The following CSGALNACT1 variants were observed in gnomAD, a reference collection of about 807,000 sequenced individuals.
CSGALNACT1 encodes beta4GalNAcT-1.
A neutral mutation model predicts 51.0 loss-of-function variants in CSGALNACT1; 52 were observed. The ratio of observed to expected loss-of-function variants is 1.02; its 90% CI spans 0.82 to 1.29. The LOEUF (loss-of-function observed/expected upper bound fraction) is 1.29, where lower values mean the gene tolerates loss of function less well. CSGALNACT1 is among the 50% of genes most tolerant of loss of function. The pLI, the probability that CSGALNACT1 is intolerant of heterozygous loss-of-function variation, is 0.00. For synonymous variants in CSGALNACT1, 341 were observed against 254.4 expected (o/e 1.34, Z -3.24); for missense variants, 935 against 679.2 (o/e 1.38, Z -4.19).
chr8:19,603,047 T>C (rs372021012), upstream of CSGALNACT1, among the ~76,000 whole-genome samples: 12 of 123,118 alleles, frequency 9.7e-5, no homozygotes, highest in South Asian at 5.7e-4. Flanking sequence ...ACTGTGTGTA[T>C]ACACACACAC....
chr8:19,430,741 T>C (rs529798866), intron 6 of CSGALNACT1, among the ~76,000 whole-genome samples: 5 of 152,266 alleles, frequency 3.3e-5, no homozygotes, highest in Admixed American at 6.5e-5. Flanking sequence ...AAAGTCATCT[T>C]GGATTTTAAT....
chr8:19,642,346 A>T (rs2056827784), intron 1 of CSGALNACT1, among the ~76,000 whole-genome samples: 1 of 152,190 alleles, frequency 6.6e-6, no homozygotes, highest in African/African-American at 2.4e-5. Flanking sequence ...CAACTTCAAG[A>T]AATAAAACAT....
intron 1 of CSGALNACT1, among the ~76,000 whole-genome samples, chr8:19,722,658 C>A (rs991460390): frequency 1.3e-5 from 2 of 152,142 alleles, no homozygotes; most frequent in African/African-American, 4.8e-5. Flanking sequence ...ACCTCACAGC[C>A]CTGGCGCATT....
chr8:19,733,416 T>C (rs932786552), intron 1 of CSGALNACT1, among the ~76,000 whole-genome samples: 8 of 152,206 alleles, frequency 5.3e-5, no homozygotes, highest in African/African-American at 1.9e-4. Flanking sequence ...TTCAAAAACC[T>C]ATATTTTCTA....
chr8:19,756,941 G>A (rs1421647101), intron 1 of CSGALNACT1, among the ~76,000 whole-genome samples: 1 of 150,992 alleles, frequency 6.6e-6, no homozygotes, highest in Non-Finnish European at 1.5e-5. Context: ...GCGCCCACCT[G>A]GAGGCGCCGC....
intron 4 of CSGALNACT1, among the ~76,000 whole-genome samples, chr8:19,495,542 T>C (rs1239642450): frequency 6.6e-6 from 1 of 152,158 alleles, no homozygotes; most frequent in Non-Finnish European, 1.5e-5. Context: ...AGAGAGGGAC[T>C]ATCCCTCCCC....
intron 4 of CSGALNACT1, among the ~76,000 whole-genome samples, chr8:19,500,709 T>C (rs1358708629): frequency 6.6e-6 from 1 of 152,236 alleles, no homozygotes; most frequent in East Asian, 1.9e-4. Context: ...CTGTACAACC[T>C]GCTAATGTGT....
intron 1 of CSGALNACT1, among the ~76,000 whole-genome samples, chr8:19,651,945 T>C (rs560362107): frequency 6.6e-6 from 1 of 152,172 alleles, no homozygotes; most frequent in African/African-American, 2.4e-5. Flanking sequence ...GTTTTGACTT[T>C]TTTTAGACAG....
intron 3 of CSGALNACT1, among the ~76,000 whole-genome samples, chr8:19,551,538 C>T (rs1431355984): frequency 6.6e-6 from 1 of 152,192 alleles, no homozygotes; most frequent in Non-Finnish European, 1.5e-5. Context: ...AACTTCTCTC[C>T]CTGGAAGAAC....
At chr8:19,598,373 T>C (rs991362596) in intron 2 of CSGALNACT1, among the ~76,000 whole-genome samples, 26 of 152,168 alleles carry the variant, frequency 1.7e-4, no homozygotes, top group Non-Finnish European at 3.2e-4. Context: ...TGACACTGAT[T>C]AAAAGCTTAC....
intron 1 of CSGALNACT1, among the ~76,000 whole-genome samples, chr8:19,701,625 C>T (rs530962771): frequency 6.6e-6 from 1 of 152,322 alleles, no homozygotes; most frequent in South Asian, 2.1e-4. Flanking sequence ...AAAGACCCTA[C>T]ATAGACAATT....
chr8:19,485,784 T>TTTG (rs2072760205), intron 4 of CSGALNACT1, among the ~76,000 whole-genome samples: 1 of 142,730 alleles, frequency 7.0e-6, no homozygotes, highest in Admixed American at 7.1e-5. Context: ...TTTTTTTTTT[T>TTTG]TGACAGAGTT....
intron 6 of CSGALNACT1, among the ~76,000 whole-genome samples, chr8:19,427,718 GC>G (rs1654986394): frequency 6.6e-6 from 1 of 151,994 alleles, no homozygotes; most frequent in Non-Finnish European, 1.5e-5. Context: ...AACCCAGTGG[GC>G]GAAGCTTGCC....
intron 3 of CSGALNACT1, among the ~76,000 whole-genome samples, chr8:19,578,759 C>T (rs961981572): frequency 3.9e-5 from 6 of 152,282 alleles, no homozygotes; most frequent in Middle Eastern, 3.4e-3. Context: ...GACCTTCTGA[C>T]GTCTGCCTCT....
chr8:19,543,093 T>C lies in CSGALNACT1; in HGVS notation c.-296-36963A>G, dbSNP rs79381264. On this transcript the variant is annotated intron_variant, in intron 3 of 9. Coordinates refer to ENST00000454498, the Ensembl canonical transcript of CSGALNACT1. ...AATATAACCCAGATTATGACTGAGT[T>C]ATAACTAACAAATACTAGGCTCACG... Among the ~76,000 whole-genome samples, 812 of 152,264 alleles carry C rather than the reference T, an allele frequency of 5.3e-3. 12 individuals are homozygous for C. Among genetic ancestry groups the C allele is most frequent in the African/African-American group, 0.019 (783 of 41,544 alleles).
In CSGALNACT1 at chr8:19,663,440, G is replaced by C. The variant is rs576701629; in HGVS notation, c.-544+19033C>G. On this transcript the variant is annotated intron_variant, in intron 1 of 9. Coordinates refer to the CSGALNACT1 transcript ENST00000332246. ...TAAATATATTCAGAGCAAATTTTAA[G>C]TTTAAAGCAGTCAATGACTAACATC... 5.9e-5 allele frequency among the ~76,000 whole-genome samples: 9 copies of C among 152,316 alleles called. No homozygotes were observed. In the East Asian group the frequency reaches 1.7e-3, roughly 29 times the overall value.
intron 5 of CSGALNACT1, chr8:19,457,586 C>G (rs1191593293): frequency 6.9e-6 from 7 of 1,021,286 alleles, no homozygotes; most frequent in Non-Finnish European, 9.4e-6. Flanking sequence ...GCACTCCAGC[C>G]TGGGTGACAG....
rs1371352946 is a variant in CSGALNACT1 at position 19,630,228 on chromosome 8, GTGTGTGTGTGTGTGTA to G, written c.-543-28379_-543-28364del. ...TGTGTGTGTGTGTGTGTGTGTGTGT[GTGTGTGTGTGTGTGTA>G]TGTGTGTGTGTTCTAGTAAAATTTT... On this transcript the variant is annotated intron_variant, in intron 1 of 9. Transcript: ENST00000332246. 8.8e-4 allele frequency among the ~76,000 whole-genome samples: 128 copies of G among 144,704 alleles called. 2 individuals carry two copies. Among genetic ancestry groups the G allele is most frequent in the Admixed American group, 3.6e-3 (53 of 14,710 alleles). 94.9% of individuals were successfully genotyped at this position (144,704 alleles called of 152,430 possible).
intron 4 of CSGALNACT1, among the ~76,000 whole-genome samples, chr8:19,484,711 C>T (rs2072417744): frequency 6.6e-6 from 1 of 152,154 alleles, no homozygotes; most frequent in Admixed American, 6.5e-5. Context: ...AACTCTAATC[C>T]CTAGTACCTC....
Sources: allele counts gnomAD v4.1 joint callset (sites outside exome capture counted in the v4.1 genomes callset), GRCh38; gene constraint gnomAD v4.1.1; transcripts MANE v1.5; gene names NCBI Gene and HGNC (gene_info 2026-07-23, HGNC 2026-07-21).